Variants in PTPRD observed in about 807,000 individuals in gnomAD.
The protein encoded by PTPRD is protein tyrosine phosphatase receptor type D.
PTPRD carries 34 observed loss-of-function variants against 214.5 expected under a neutral mutation model. The observed-to-expected ratio is 0.16, with a 90% CI of 0.12 to 0.21. PTPRD has a LOEUF of 0.21. Among genes scored for constraint, PTPRD ranks in the 10% least tolerant of loss-of-function variants. PTPRD has a pLI of 1.00. For synonymous variants in PTPRD, 1,128 were observed against 845.7 expected (o/e 1.33, Z -5.79); for missense variants, 2,545 against 2,398.7 (o/e 1.06, Z -1.27).
chr9:9,487,022 T>A (rs1054451688), intron 8 of PTPRD, among the ~76,000 whole-genome samples: 4 of 152,172 alleles, frequency 2.6e-5, no homozygotes, highest in African/African-American at 9.7e-5. Context: ...ATAGTTTTAA[T>A]AATAAAATAG....
At chr9:9,170,230 AAG>A (rs1295630268) in intron 10 of PTPRD, among the ~76,000 whole-genome samples, 1 of 152,200 alleles carries the variant, frequency 6.6e-6, no homozygotes, top group Non-Finnish European at 1.5e-5. Flanking sequence ...ATCTGACACT[AAG>A]CTGAATTATT....
chr9:8,567,160 A>C (rs1299969984), intron 14 of PTPRD, among the ~76,000 whole-genome samples: 1 of 152,194 alleles, frequency 6.6e-6, no homozygotes, highest in African/African-American at 2.4e-5. Flanking sequence ...TAACTACCAG[A>C]AATGCAAAAA....
chr9:9,164,373 C>T (rs762449228), intron 10 of PTPRD, among the ~76,000 whole-genome samples: 16 of 152,098 alleles, frequency 1.1e-4, no homozygotes, highest in African/African-American at 1.4e-4. Context: ...CTGCCTCTCT[C>T]GTTCTCTTAT....
chr9:10,141,820 C>CT (rs2154267747), intron 3 of PTPRD, among the ~76,000 whole-genome samples: 1 of 152,220 alleles, frequency 6.6e-6, no homozygotes, highest in South Asian at 2.1e-4. Flanking sequence ...AAGAACAAAG[C>CT]TGGAGGCATC....
chr9:9,221,819 T>C (rs1009023358), intron 9 of PTPRD, among the ~76,000 whole-genome samples: 1 of 151,920 alleles, frequency 6.6e-6, no homozygotes. Flanking sequence ...GACAAAGGAA[T>C]GATACAAGAT....
intron 7 of PTPRD, among the ~76,000 whole-genome samples, chr9:9,581,307 A>G (rs2090694849): frequency 6.6e-6 from 1 of 152,168 alleles, no homozygotes; most frequent in Non-Finnish European, 1.5e-5. Flanking sequence ...AATACATAAT[A>G]TTGTTACAAA....
intron 43 of PTPRD, 27 bp from the exon 44 acceptor site, chr9:8,331,763 C>CCGCAAAGGAAGA: frequency 1.3e-6 from 2 of 1,546,540 alleles, no homozygotes; most frequent in Non-Finnish European, 1.7e-6. Context: ...ACATACCCGG[C>CCGCAAAGGAAGA]CGCAAAGGAA....
At chr9:8,731,138 T>C (rs138414110) in intron 12 of PTPRD, among the ~76,000 whole-genome samples, 2,297 of 152,312 alleles carry the variant, frequency 0.015, 54 homozygotes, top group African/African-American at 0.053. Context: ...ACCCAGTACT[T>C]TGCTATGACA....
At chr9:9,930,628 G>C (rs2086161454) in intron 5 of PTPRD, among the ~76,000 whole-genome samples, 1 of 152,052 alleles carries the variant, frequency 6.6e-6, no homozygotes, top group Non-Finnish European at 1.5e-5. Flanking sequence ...TAAAAATGCA[G>C]TATTTTAAAG....
chr9:8,427,715 A>C (rs1276529971), intron 35 of PTPRD, among the ~76,000 whole-genome samples: 1 of 152,110 alleles, frequency 6.6e-6, no homozygotes, highest in Non-Finnish European at 1.5e-5. Flanking sequence ...TGACATCAGC[A>C]AAGCCCTAAG....
intron 3 of PTPRD, among the ~76,000 whole-genome samples, chr9:10,200,708 C>G: frequency 6.6e-6 from 1 of 151,934 alleles, no homozygotes; most frequent in Non-Finnish European, 1.5e-5. Flanking sequence ...TACAATCATG[C>G]AGAGGAAGGG....
chr9:9,932,389 G>T (rs2087037034), intron 5 of PTPRD, among the ~76,000 whole-genome samples: 1 of 145,872 alleles, frequency 6.9e-6, no homozygotes, highest in South Asian at 2.2e-4. Flanking sequence ...TAAAGGAGCT[G>T]ATGGAGCTGA....
chr9:8,896,842 C>T (rs2098618130), intron 11 of PTPRD, among the ~76,000 whole-genome samples: 1 of 152,052 alleles, frequency 6.6e-6, no homozygotes, highest in Admixed American at 6.6e-5. Flanking sequence ...GGTTATTTTT[C>T]ATCAGAAATG....
At chr9:8,970,185 G>A (rs897721378) in intron 11 of PTPRD, among the ~76,000 whole-genome samples, 2 of 151,940 alleles carry the variant, frequency 1.3e-5, no homozygotes, top group Non-Finnish European at 1.5e-5. Flanking sequence ...ATTTGAGCAT[G>A]AGTGTTCTTG....
intron 14 of PTPRD, among the ~76,000 whole-genome samples, chr9:8,586,752 G>C (rs1439496288): frequency 6.6e-6 from 1 of 152,168 alleles, no homozygotes; most frequent in African/African-American, 2.4e-5. Flanking sequence ...GCTAGACCAA[G>C]TATGTTCTTA....
chr9:10,246,725 C>A (rs2092165074), intron 3 of PTPRD, among the ~76,000 whole-genome samples: 1 of 151,412 alleles, frequency 6.6e-6, no homozygotes, highest in Non-Finnish European at 1.5e-5. Flanking sequence ...TTAAAATAAT[C>A]CTTAAAGCAA....
intron 9 of PTPRD, among the ~76,000 whole-genome samples, chr9:9,206,740 C>G (rs980185850): frequency 6.6e-6 from 1 of 152,176 alleles, no homozygotes; most frequent in Non-Finnish European, 1.5e-5. Flanking sequence ...CTTTTGGACT[C>G]TTGGACTTAC....
chr9:9,631,923 C>G (rs2095607278), intron 7 of PTPRD, among the ~76,000 whole-genome samples: 1 of 152,050 alleles, frequency 6.6e-6, no homozygotes, highest in African/African-American at 2.4e-5. Flanking sequence ...AGTGCTGATA[C>G]TAATTCTCTC....
chr9:8,427,107 C>T (rs1300340596), intron 35 of PTPRD, among the ~76,000 whole-genome samples: 1 of 152,150 alleles, frequency 6.6e-6, no homozygotes, highest in African/African-American at 2.4e-5. Context: ...AGAACAAAGA[C>T]AGCATGTTCT....
Sources: allele counts gnomAD v4.1 joint callset (sites outside exome capture counted in the v4.1 genomes callset), GRCh38; gene constraint gnomAD v4.1.1; transcripts MANE v1.5; gene names NCBI Gene and HGNC (gene_info 2026-07-23, HGNC 2026-07-21).